Variants in CCSER1 observed in about 807,000 individuals in gnomAD.
The protein encoded by CCSER1 is serine-rich coiled-coil domain-containing protein 1.
Under a neutral mutation model 82.0 loss-of-function variants are expected in CCSER1, and 41 were observed. The observed-to-expected ratio is 0.50, with a 90% CI of 0.39 to 0.65. CCSER1 has a LOEUF of 0.65. CCSER1 is among the 30% of genes least tolerant of loss of function. The pLI is 0.00. For synonymous variants in CCSER1, 414 were observed against 383.9 expected, an observed-to-expected ratio of 1.08 and a Z score of -0.92; for missense variants, 1,119 against 1,064.2, an observed-to-expected ratio of 1.05 and a Z score of -0.72.
rs113759783 is a variant in CCSER1 at position 91,575,546 on chromosome 4, G to A, written c.2218-23026G>A. Among the ~76,000 whole-genome samples the A allele has an allele frequency of 5.5e-3, 830 of 152,050 alleles. 10 individuals are homozygous for A. Among genetic ancestry groups the A allele is most frequent in the African/African-American group, 0.019 (787 of 41,532 alleles). ...AGAAAACAAATAATCTGGTTAAAAT[G>A]GGTAAAGGATATGAATAGTTATTTC... On this transcript the variant is annotated intron_variant, in intron 10 of 10. Coordinates refer to ENST00000509176, the MANE Select transcript of CCSER1 (RefSeq NM_001145065.2).
chr4:91,045,733 G>GT (rs1314661628), intron 9 of CCSER1, among the ~76,000 whole-genome samples: 2 of 151,820 alleles, frequency 1.3e-5, no homozygotes, highest in African/African-American at 4.8e-5. Flanking sequence ...TTTTCAATTT[G>GT]TTTTCATTAT....
chr4:90,714,704 A>G (rs1467852492), intron 6 of CCSER1, among the ~76,000 whole-genome samples: 2 of 152,078 alleles, frequency 1.3e-5, no homozygotes, highest in Non-Finnish European at 2.9e-5. Context: ...ATTTTGACAT[A>G]AAGTTAGAAA....
rs542343264 is a variant in CCSER1, at chr4:91,036,876, C to T, written c.2173-49074C>T. 9.2e-5 allele frequency among the ~76,000 whole-genome samples: 14 copies of T among 151,896 alleles called. 1 individual carries two copies. Among genetic ancestry groups the T allele is most frequent in the Admixed American group, 5.9e-4 (9 of 15,246 alleles). On this transcript the variant is annotated intron_variant, in intron 9 of 10. Transcript: ENST00000509176. ...GGTGGGTCAGTTGAGGTCAGGAGTT[C>T]GAGACCAGTCTGGCCAACATGGTGA...
At chr4:91,266,575 C>T (rs1002071775) in intron 10 of CCSER1, among the ~76,000 whole-genome samples, 3 of 152,036 alleles carry the variant, frequency 2.0e-5, no homozygotes, top group South Asian at 4.1e-4. Context: ...GAGGAAGACG[C>T]TTTCCTGTGT....
chr4:91,087,930 G>T (rs1204276978), intron 10 of CCSER1, among the ~76,000 whole-genome samples: 2 of 152,130 alleles, frequency 1.3e-5, no homozygotes, highest in African/African-American at 4.8e-5. Context: ...ATTAGGTGAA[G>T]TATGTTGTAA....
chr4:91,600,913 A>G lies in CCSER1; in HGVS notation c.*1856A>G, dbSNP rs1216098612. On this transcript the variant is annotated 3_prime_UTR_variant, in exon 11 of 11. Coordinates refer to ENST00000509176, the MANE Select transcript of CCSER1 (RefSeq NM_001145065.2). The stretch of plus-strand genomic sequence containing the variant: ...AAGTTCCCACCATACTTTGGAAGCT[A>G]TAATGATCATGCAGATATACACTTT... 6.6e-6 allele frequency: 1 copy of G among 152,162 alleles called. No individual in the cohort carries two copies. The highest frequency in any genetic ancestry group is 1.5e-5 in the Non-Finnish European group (1 of 68,002). The allele number at this position is 152,162 out of a possible 1,614,324, so 9.4% of individuals were successfully genotyped here.
At chr4:90,589,466 T>C (rs1006102564) in intron 5 of CCSER1, among the ~76,000 whole-genome samples, 4 of 152,096 alleles carry the variant, frequency 2.6e-5, no homozygotes, top group Non-Finnish European at 5.9e-5. Flanking sequence ...AACTTGGATT[T>C]TTATGATTTA....
chr4:90,638,236 G>A (rs1186316063), intron 6 of CCSER1, among the ~76,000 whole-genome samples: 1 of 152,046 alleles, frequency 6.6e-6, no homozygotes, highest in South Asian at 2.1e-4. Flanking sequence ...TAAATTTTAA[G>A]ATAATAATTT....
chr4:90,929,392 C>T lies in CCSER1; in HGVS notation c.2172+5945C>T, dbSNP rs1260981988. 2.6e-5 allele frequency among the ~76,000 whole-genome samples: 4 copies of T among 152,244 alleles called. No individual in the cohort carries two copies. The East Asian group carries it at 7.7e-4, about 29-fold the overall frequency. On this transcript the variant is annotated intron_variant, in intron 9 of 10. Transcript: ENST00000509176. ...ATATCCAACAAGTATTTAAAAATTA[C>T]TGCGTTATGCCTTTTAGAATGAAGT...
intron 7 of CCSER1, among the ~76,000 whole-genome samples, chr4:90,735,792 T>C (rs967221447): frequency 6.6e-6 from 1 of 152,064 alleles, no homozygotes; most frequent in Non-Finnish European, 1.5e-5. Flanking sequence ...TAAAATGCAT[T>C]GTTAGGTTGT....
intron 5 of CCSER1, among the ~76,000 whole-genome samples, chr4:90,492,160 G>A (rs183505657): frequency 1.6e-4 from 25 of 152,140 alleles, no homozygotes; most frequent in Non-Finnish European, 2.8e-4. Flanking sequence ...ACTTTTTTTG[G>A]TTGGTAGGCT....
intron 5 of CCSER1, among the ~76,000 whole-genome samples, chr4:90,558,780 G>T (rs1315895877): frequency 6.6e-6 from 1 of 152,160 alleles, no homozygotes; most frequent in Non-Finnish European, 1.5e-5. Context: ...GTGGGAATGA[G>T]TATATTTTTT....
chr4:90,332,928 G>A (rs1026764684), intron 3 of CCSER1, among the ~76,000 whole-genome samples: 8 of 152,138 alleles, frequency 5.3e-5, no homozygotes, highest in African/African-American at 1.7e-4. Flanking sequence ...CCAGAACCAC[G>A]TGTTATGTTT....
intron 10 of CCSER1, among the ~76,000 whole-genome samples, chr4:91,172,566 T>A (rs984976929): frequency 6.6e-6 from 1 of 152,168 alleles, no homozygotes; most frequent in African/African-American, 2.4e-5. Flanking sequence ...CTACATCATC[T>A]CACATGCCGG....
chr4:90,277,871 G>A (rs1047086803), intron 1 of CCSER1, among the ~76,000 whole-genome samples: 1 of 152,090 alleles, frequency 6.6e-6, no homozygotes, highest in South Asian at 2.1e-4. Flanking sequence ...CACAGCAAGA[G>A]AAACTATTAA....
At chr4:90,697,880 A>G (rs1330935904) in intron 6 of CCSER1, among the ~76,000 whole-genome samples, 1 of 152,166 alleles carries the variant, frequency 6.6e-6, no homozygotes, top group Non-Finnish European at 1.5e-5. Flanking sequence ...AGACAGGCCC[A>G]CACACACAAA....
At chr4:91,316,338 A>G (rs542993316) in intron 10 of CCSER1, among the ~76,000 whole-genome samples, 2 of 152,150 alleles carry the variant, frequency 1.3e-5, no homozygotes, top group African/African-American at 4.8e-5. Flanking sequence ...ATGAGCACTC[A>G]ATAAATATGA....
intron 9 of CCSER1, among the ~76,000 whole-genome samples, chr4:91,010,020 T>A (rs991978988): frequency 6.6e-6 from 1 of 152,210 alleles, no homozygotes; most frequent in African/African-American, 2.4e-5. Flanking sequence ...TTTTATGTTA[T>A]ATCTAGTGTT....
chr4:90,844,766 C>A (rs1285818783), intron 8 of CCSER1, among the ~76,000 whole-genome samples: 2 of 152,018 alleles, frequency 1.3e-5, no homozygotes, highest in Non-Finnish European at 2.9e-5. Flanking sequence ...TGGTTAATAT[C>A]TGTCCACCCC....
Sources: allele counts gnomAD v4.1 joint callset (sites outside exome capture counted in the v4.1 genomes callset), GRCh38; gene constraint gnomAD v4.1.1; transcripts MANE v1.5; gene names NCBI Gene and HGNC (gene_info 2026-07-23, HGNC 2026-07-21).